COMMD10: variants seen among roughly 807,000 people sequenced by gnomAD.
COMMD10 encodes the protein COMM domain containing 10.
In COMMD10, 33 loss-of-function variants were observed where a neutral mutation model predicts 28.9. That is an observed-to-expected ratio of 1.14 (90% CI 0.87 to 1.53). The LOEUF (loss-of-function observed/expected upper bound fraction) is 1.53, where lower values mean the gene tolerates loss of function less well. Ranked by LOEUF, COMMD10 falls within the 40% of genes most tolerant of loss-of-function variation. COMMD10 has a pLI of 0.00. For synonymous variants in COMMD10, 110 were observed against 81.7 expected, an observed-to-expected ratio of 1.35 and a Z score of -1.87; for missense variants, 310 against 233.4, an observed-to-expected ratio of 1.33 and a Z score of -2.14.
intron 5 of COMMD10, among the ~76,000 whole-genome samples, chr5:116,238,114 T>C (rs1322776822): frequency 1.3e-5 from 2 of 152,198 alleles, no homozygotes; most frequent in Non-Finnish European, 2.9e-5. Context: ...TAGGAGGCCA[T>C]CGCCTTGAAC....
chr5:116,157,283 G>T (rs1423005240), intron 5 of COMMD10, among the ~76,000 whole-genome samples: 1 of 152,034 alleles, frequency 6.6e-6, no homozygotes, highest in Admixed American at 6.6e-5. Context: ...GTTAGCTATT[G>T]CTAATAACAT....
At chr5:116,272,511 G>A (rs904112885) in intron 5 of COMMD10, among the ~76,000 whole-genome samples, 4 of 151,754 alleles carry the variant, frequency 2.6e-5, no homozygotes, top group Non-Finnish European at 4.4e-5. Context: ...AAGTCAGTAG[G>A]CAAAATGACT....
chr5:116,146,160 C>T (rs80347621), intron 5 of COMMD10, among the ~76,000 whole-genome samples: 4,374 of 151,852 alleles, frequency 0.029, 105 homozygotes, highest in East Asian at 0.14. Flanking sequence ...TGGTCTTTTG[C>T]GAACCTTTAC....
intron 5 of COMMD10, among the ~76,000 whole-genome samples, chr5:116,275,422 C>A (rs759499871): frequency 6.6e-6 from 1 of 151,796 alleles, no homozygotes; most frequent in African/African-American, 2.4e-5. Context: ...CCTTTATTGA[C>A]TCCAGAATGT....
intron 5 of COMMD10, among the ~76,000 whole-genome samples, chr5:116,136,599 G>A (rs1252170041): frequency 6.6e-6 from 1 of 152,148 alleles, no homozygotes; most frequent in Non-Finnish European, 1.5e-5. Flanking sequence ...TTTTTAGGCA[G>A]TAGGAATAAA....
At position 116,268,802 on chromosome 5, in the gene COMMD10, A is replaced by G. The variant is rs1026919026; in HGVS notation, c.511-22715A>G. 2.0e-5 allele frequency among the ~76,000 whole-genome samples: 3 copies of G among 151,944 alleles called. No individual in the cohort carries two copies. In the South Asian group the frequency reaches 6.2e-4, roughly 32 times the overall value. ...ATGAGTTTATGTCCTTTGTACGGAC[A>G]TGGATGAAGCTGGAAACCATCATTC... is the stretch of plus-strand genomic sequence containing the variant. On this transcript the variant is annotated intron_variant, in intron 5 of 6. Coordinates refer to ENST00000274458, the MANE Select transcript of COMMD10 (RefSeq NM_016144.4).
intron 4 of COMMD10, among the ~76,000 whole-genome samples, chr5:116,094,918 C>A (rs1750418800): frequency 6.6e-6 from 1 of 152,104 alleles, no homozygotes; most frequent in African/African-American, 2.4e-5. Flanking sequence ...AAGCTAGACA[C>A]AGACAAATAT....
intron 5 of COMMD10, among the ~76,000 whole-genome samples, chr5:116,236,208 A>G (rs751731859): frequency 9.9e-5 from 15 of 152,102 alleles, no homozygotes; most frequent in Non-Finnish European, 1.8e-4. Context: ...TTCAGTGCTA[A>G]AAAGAAATGA....
intron 5 of COMMD10, among the ~76,000 whole-genome samples, chr5:116,239,122 C>T (rs1227767547): frequency 6.6e-6 from 1 of 152,108 alleles, no homozygotes; most frequent in Non-Finnish European, 1.5e-5. Flanking sequence ...TTGCCAATCG[C>T]AAATTTATAC....
At chr5:116,263,279 A>G (rs80286171) in intron 5 of COMMD10, among the ~76,000 whole-genome samples, 4,458 of 151,838 alleles carry the variant, frequency 0.029, 125 homozygotes, top group East Asian at 0.14. Context: ...GGATCTAGAG[A>G]GTCATGCCCT....
chr5:116,219,936 GTTT>G (rs531385631), intron 5 of COMMD10, among the ~76,000 whole-genome samples: 18 of 152,004 alleles, frequency 1.2e-4, no homozygotes, highest in Non-Finnish European at 2.4e-4. Flanking sequence ...TTTTGATAGA[GTTT>G]TTTATTAAGG....
intron 4 of COMMD10, among the ~76,000 whole-genome samples, chr5:116,132,700 A>T (rs1169873923): frequency 2.0e-5 from 3 of 152,098 alleles, no homozygotes; most frequent in African/African-American, 7.2e-5. Context: ...TGGTTATGAC[A>T]TTTATTCCTA....
intron 5 of COMMD10, among the ~76,000 whole-genome samples, chr5:116,221,081 CTTT>C (rs70978610): frequency 2.6e-4 from 37 of 142,486 alleles, no homozygotes; most frequent in Non-Finnish European, 3.3e-4. Context: ...TTGAGATACT[CTTT>C]TTTTTTTTTT....
chr5:116,237,880 T>G (rs956261827), intron 5 of COMMD10, among the ~76,000 whole-genome samples: 4 of 152,114 alleles, frequency 2.6e-5, no homozygotes, highest in African/African-American at 9.7e-5. Flanking sequence ...AGTAGAAACT[T>G]TGGGAAAGAT....
At position 116,268,710 on chromosome 5, in the gene COMMD10, G is replaced by A. The variant is rs151190691; in HGVS notation, c.511-22807G>A. On this transcript the variant is annotated intron_variant, in intron 5 of 6. Coordinates refer to ENST00000274458, the MANE Select transcript of COMMD10 (RefSeq NM_016144.4). The stretch of plus-strand genomic sequence containing the variant: ...TTGGAACCAACCCAAATGCCCATCA[G>A]TGATAGACTGGATTAAGAAAATGTG... 2.1e-3 allele frequency among the ~76,000 whole-genome samples: 325 copies of A among 151,934 alleles called. 5 individuals are homozygous for A. Among genetic ancestry groups the A allele is most frequent in the African/African-American group, 7.3e-3 (300 of 41,236 alleles).
At chr5:116,269,321 C>A (rs995129873) in intron 5 of COMMD10, among the ~76,000 whole-genome samples, 88 of 151,940 alleles carry the variant, frequency 5.8e-4, no homozygotes, top group Non-Finnish European at 1.2e-4. Context: ...GAAAGCTAAT[C>A]CACTTGGAGA....
At position 116,208,772 on chromosome 5, in the gene COMMD10, CCT is replaced by C. The variant is rs569130947; in HGVS notation, c.510+74595_510+74596del. On this transcript the variant is annotated intron_variant, in intron 5 of 6. Coordinates refer to ENST00000274458, the MANE Select transcript of COMMD10 (RefSeq NM_016144.4). The stretch of plus-strand genomic sequence containing the variant: ...ACAAACAGGGAAGTCTGAACGGTTC[CCT>C]GTTATTTTATCTTTTGGATGTAGAG... 1.2e-3 allele frequency among the ~76,000 whole-genome samples: 175 copies of C among 152,074 alleles called. 1 individual carries two copies. The highest frequency in any genetic ancestry group is 1.7e-3 in the South Asian group (8 of 4,820).
chr5:116,134,697 T>C (rs1751974330), intron 5 of COMMD10, among the ~76,000 whole-genome samples: 2 of 152,310 alleles, frequency 1.3e-5, no homozygotes, highest in East Asian at 1.9e-4. Flanking sequence ...CTCGGCTCAC[T>C]GCAGGCTCCG....
intron 5 of COMMD10, among the ~76,000 whole-genome samples, chr5:116,152,997 T>TTAATAGCTACCAC (rs1752586336): frequency 2.0e-5 from 3 of 152,182 alleles, no homozygotes; most frequent in Admixed American, 6.6e-5. Flanking sequence ...ACTCAGGTAT[T>TTAATAGCTACCAC]TTAGATTGGC....
Sources: allele counts gnomAD v4.1 joint callset (sites outside exome capture counted in the v4.1 genomes callset), GRCh38; gene constraint gnomAD v4.1.1; transcripts MANE v1.5; gene names NCBI Gene and HGNC (gene_info 2026-07-23, HGNC 2026-07-21).